Variants in ERO1B observed in about 807,000 individuals in gnomAD.
The protein encoded by ERO1B is ERO1-like protein beta.
In ERO1B, 49 loss-of-function variants were observed where a neutral mutation model predicts 75.3. The ratio of observed to expected loss-of-function variants is 0.65; its 90% confidence interval spans 0.52 to 0.83. The LOEUF (loss-of-function observed/expected upper bound fraction) is 0.83, where lower values mean the gene tolerates loss of function less well. Among genes scored for constraint, ERO1B ranks in the 40% least tolerant of loss-of-function variants. ERO1B has a pLI of 0.00. For synonymous variants in ERO1B, 191 were observed against 192.9 expected, an observed-to-expected ratio of 0.99 and a Z score of 0.08; for missense variants, 512 against 560.1, an observed-to-expected ratio of 0.91 and a Z score of 0.87.
intron 2 of ERO1B, among the ~76,000 whole-genome samples, chr1:236,262,006 A>G (rs1331822774): frequency 6.6e-6 from 1 of 152,204 alleles, no homozygotes; most frequent in East Asian, 1.9e-4. Context: ...TGGATCCAGA[A>G]ATGACTCTGA....
At chr1:236,219,364 G>A (rs1269653146) in intron 15 of ERO1B, among the ~76,000 whole-genome samples, 1 of 151,976 alleles carries the variant, frequency 6.6e-6, no homozygotes, top group African/African-American at 2.4e-5. Context: ...TTACTCTAGG[G>A]AACAATAAAA....
intron 10 of ERO1B, among the ~76,000 whole-genome samples, chr1:236,227,814 T>C (rs1024884774): frequency 1.3e-5 from 2 of 152,162 alleles, no homozygotes; most frequent in African/African-American, 4.8e-5. Context: ...AAAAAATAAT[T>C]CTTTTGAGTT....
Position 236,250,572 on chromosome 1 carries a change from CATATATATATATATATATATAT to C in ERO1B, c.349-627_349-606del, listed in dbSNP as rs1171832762. On this transcript the variant is annotated intron_variant, in intron 4 of 15. Transcript: ENST00000354619. ...AACCCTCTTGGGAAGTAAATTTGACCATATATATATATATATATATATATATATATATATATATATATATATC... is the reference window on the plus strand; with the variant it reads ...AACCCTCTTGGGAAGTAAATTTGACCATATATATATATATATATATATATC... Among the ~76,000 whole-genome samples the C allele has an allele frequency of 7.3e-4, 63 of 86,416 alleles. 1 individual carries two copies. The highest frequency in any genetic ancestry group is 1.5e-3 in the African/African-American group (35 of 23,630). 56.7% of individuals were successfully genotyped at this position (86,416 alleles called of 152,430 possible).
intron 3 of ERO1B, among the ~76,000 whole-genome samples, chr1:236,252,427 A>G (rs1000715051): frequency 7.2e-5 from 11 of 152,210 alleles, no homozygotes. Flanking sequence ...CTTTGTTACC[A>G]TAGAAAAGAA....
At position 236,281,785 on chromosome 1, in the gene ERO1B, C is replaced by G; in HGVS notation, c.-2G>C. 6 of 1,495,288 alleles carry G rather than the reference C, an allele frequency of 4.0e-6. No homozygotes were observed. The highest frequency in any genetic ancestry group is 5.3e-6 in the Non-Finnish European group (6 of 1,123,348). 92.6% of individuals were successfully genotyped at this position (1,495,288 alleles called of 1,614,324 possible). ...TGCCCGGCGGACCCCTTGGCTCATG[C>G]TGACCTCTACCCACACCGCGGCCAG... On this transcript the variant is annotated 5_prime_UTR_variant, in exon 1 of 16. Coordinates refer to ENST00000354619, the MANE Select transcript of ERO1B (RefSeq NM_019891.4).
At chr1:236,238,866 T>C (rs1231536639) in intron 6 of ERO1B, among the ~76,000 whole-genome samples, 3 of 152,174 alleles carry the variant, frequency 2.0e-5, no homozygotes, top group East Asian at 3.9e-4. Context: ...AGAAAAACCA[T>C]GATTCAGATA....
intron 1 of ERO1B, among the ~76,000 whole-genome samples, chr1:236,279,580 G>A (rs1665781992): frequency 1.3e-5 from 2 of 150,008 alleles, no homozygotes; most frequent in Non-Finnish European, 3.0e-5. Flanking sequence ...TGTAATCCCA[G>A]CACTTTGGGA....
At chr1:236,272,391 T>G (rs996291558) in intron 1 of ERO1B, among the ~76,000 whole-genome samples, 1 of 152,122 alleles carries the variant, frequency 6.6e-6, no homozygotes, top group Admixed American at 6.6e-5. Flanking sequence ...TTTAAAAAAA[T>G]GAAATAATGT....
chr1:236,234,881 T>C (rs1230949018), intron 8 of ERO1B, among the ~76,000 whole-genome samples: 3 of 152,204 alleles, frequency 2.0e-5, no homozygotes, highest in African/African-American at 4.8e-5. Context: ...ATGACAGTAA[T>C]GCTGTTCCAT....
At chr1:236,279,957 G>A (rs1665793597) in intron 1 of ERO1B, among the ~76,000 whole-genome samples, 1 of 151,794 alleles carries the variant, frequency 6.6e-6, no homozygotes, top group African/African-American at 2.4e-5. Flanking sequence ...TTTAACTGTT[G>A]GACTATATTT....
intron 1 of ERO1B, among the ~76,000 whole-genome samples, chr1:236,272,205 C>T (rs2492375): frequency 0.79 from 120,163 of 152,096 alleles, 48,525 homozygotes; most frequent in East Asian, 0.9. Flanking sequence ...CACTACCGGG[C>T]ATCTATCTAC....
rs1313410915 is a variant in ERO1B, at chr1:236,249,868, A to G, written c.431+17T>C. On this transcript the variant is annotated intron_variant, in intron 5 of 15. Coordinates refer to ENST00000354619, the MANE Select transcript of ERO1B (RefSeq NM_019891.4). ...TCAATGAGAATATTTTCTTAATATT[A>G]CCAAAATAAAACTTGCCTTAATGTG... The G allele has an allele frequency of 1.3e-6, 2 of 1,535,068 alleles. No individual in the cohort carries two copies. The highest frequency in any genetic ancestry group is 2.8e-5 in the African/African-American group (2 of 72,156).
At chr1:236,250,224 C>G (rs1321464707) in intron 4 of ERO1B, among the ~76,000 whole-genome samples, 3 of 152,186 alleles carry the variant, frequency 2.0e-5, no homozygotes, top group Middle Eastern at 3.4e-3. Flanking sequence ...GTAATCAGCA[C>G]TTTGGGAGGC....
At chr1:236,268,848 T>C (rs1200581161) in intron 2 of ERO1B, among the ~76,000 whole-genome samples, 1 of 152,100 alleles carries the variant, frequency 6.6e-6, no homozygotes, top group Non-Finnish European at 1.5e-5. Context: ...ATCGCGCCAC[T>C]GCACTCCAGC....
In ERO1B at chr1:236,250,618, T is replaced by TATATATGTATAG. The variant is rs1491338079; in HGVS notation, c.349-652_349-651insCTATACATATAT. Among the ~76,000 whole-genome samples, 222 of 110,216 alleles carry TATATATGTATAG rather than the reference T, an allele frequency of 2.0e-3. 25 individuals carry two copies. Among genetic ancestry groups the TATATATGTATAG allele is most frequent in the Non-Finnish European group, 3.1e-3 (161 of 51,972 alleles). 72.3% of individuals were successfully genotyped at this position (110,216 alleles called of 152,430 possible). ...ATATATATATATATATATATATATA[T>TATATATGTATAG]CAAACGTGTGTGTGCAAACATATAT... is the stretch of plus-strand genomic sequence containing the variant. On this transcript the variant is annotated intron_variant, in intron 4 of 15. Transcript: ENST00000354619.
chr1:236,280,023 C>T (rs1665795259), intron 1 of ERO1B, among the ~76,000 whole-genome samples: 1 of 152,132 alleles, frequency 6.6e-6, no homozygotes, highest in African/African-American at 2.4e-5. Context: ...GGTACAGTGG[C>T]TCACACCTGT....
At chr1:236,280,960 A>G (rs1045880139) in intron 1 of ERO1B, among the ~76,000 whole-genome samples, 5 of 152,122 alleles carry the variant, frequency 3.3e-5, no homozygotes, top group African/African-American at 9.7e-5. Context: ...CACTGAGAAC[A>G]CTTGTAATCA....
chr1:236,235,496 T>C (rs894613458), intron 8 of ERO1B, among the ~76,000 whole-genome samples: 2 of 152,204 alleles, frequency 1.3e-5, no homozygotes, highest in African/African-American at 2.4e-5. Flanking sequence ...GATTTTTTAA[T>C]AAGTCCCCAG....
chr1:236,233,544 GC>G (rs529236559), intron 8 of ERO1B, among the ~76,000 whole-genome samples: 41 of 150,952 alleles, frequency 2.7e-4, no homozygotes, highest in Non-Finnish European at 4.4e-4. Context: ...GTTGCAGTGA[GC>G]CGAGATCACA....
Sources: gnomAD v4.1 joint callset for allele counts (sites outside exome capture counted in the v4.1 genomes callset) on GRCh38, gnomAD v4.1.1 for gene constraint, MANE v1.5 for transcripts, NCBI Gene and HGNC (gene_info 2026-07-23, HGNC 2026-07-21) for gene names.